The following TRPM8 variants were observed in gnomAD, a reference collection of about 807,000 sequenced individuals.
TRPM8 encodes TRPM8 cationic channel.
Under a neutral mutation model 133.7 loss-of-function variants are expected in TRPM8, and 110 were observed. The ratio of observed to expected loss-of-function variants is 0.82; its 90% CI spans 0.70 to 0.96. TRPM8 has a LOEUF of 0.96. TRPM8 is among the 40% of genes least tolerant of loss of function. The probability of loss-of-function intolerance (pLI) is 0.00; values close to 1 mark genes in which losing one functional copy is unlikely to be tolerated. For synonymous variants in TRPM8, 535 were observed against 532.3 expected (o/e 1.01, Z -0.07); for missense variants, 1,291 against 1,379.5 (o/e 0.94, Z 1.02).
chr2:233,933,972 G>C (rs1295652924), intron 3 of TRPM8: 1 of 167,120 alleles, frequency 6.0e-6, no homozygotes, highest in East Asian at 1.9e-4. Flanking sequence ...TTTGCTGCTG[G>C]AGGGTGATTT....
chr2:234,015,237 T>C (rs4664001), intron 25 of TRPM8, among the ~76,000 whole-genome samples: 112,815 of 152,108 alleles, frequency 0.74, 42,252 homozygotes, highest in African/African-American at 0.83. Context: ...ATGGTCTTAC[T>C]GTTTGCTTTT....
At chr2:233,958,183 T>C (rs1028174648) in intron 11 of TRPM8, among the ~76,000 whole-genome samples, 4 of 152,166 alleles carry the variant, frequency 2.6e-5, no homozygotes, top group Admixed American at 6.5e-5. Flanking sequence ...GAGTTGCTGA[T>C]AGTTTTTTGA....
chr2:234,008,127 ATTTTT>A (rs746717772), intron 24 of TRPM8, 24 bp downstream of exon 24: 3 of 1,427,978 alleles, frequency 2.1e-6, no homozygotes, highest in East Asian at 2.4e-5. Context: ...AATAGTTTGG[ATTTTT>A]TTTTTTTTTT....
chr2:234,014,778 A>G, intron 25 of TRPM8, 124 bp downstream of exon 25: 2 of 363,900 alleles, frequency 5.5e-6, no homozygotes, highest in East Asian at 4.8e-5. Flanking sequence ...AAAATAATGC[A>G]TTGTGCAAAA....
At chr2:233,992,015 C>T (rs993258855) in intron 21 of TRPM8, among the ~76,000 whole-genome samples, 2 of 152,094 alleles carry the variant, frequency 1.3e-5, no homozygotes, top group East Asian at 3.8e-4. Flanking sequence ...TATATAATTT[C>T]CCAGTAAAGT....
chr2:234,003,808 T>A (rs760642407), intron 22 of TRPM8, among the ~76,000 whole-genome samples: 1 of 152,122 alleles, frequency 6.6e-6, no homozygotes, highest in Non-Finnish European at 1.5e-5. Flanking sequence ...CTAGTGGGAT[T>A]CAGGTTGAGG....
rs746617039 is a variant in TRPM8, at chr2:234,006,981, A to G, written c.3230+29A>G. On this transcript the variant is annotated intron_variant, in intron 23 of 25. Transcript: ENST00000324695. ...TGTCAGACATCCCTTTCTGCTTTGC[A>G]AGGCTCCCTCTGTAGACATAAGCCC... The G allele has an allele frequency of 2.6e-6, 4 of 1,557,970 alleles. No individual in the cohort carries two copies. In the South Asian group the frequency reaches 4.5e-5, roughly 17 times the overall value.
chr2:233,930,620 G>C (rs770103780), intron 2 of TRPM8, 48 bp from the exon 3 acceptor site: 2 of 1,293,558 alleles, frequency 1.5e-6, no homozygotes, highest in South Asian at 2.6e-5. Flanking sequence ...TATCAGCAAG[G>C]GGTGAGAATA....
At chr2:233,958,440 G>C (rs748605254) in intron 11 of TRPM8, among the ~76,000 whole-genome samples, 1 of 152,088 alleles carries the variant, frequency 6.6e-6, no homozygotes, top group South Asian at 2.1e-4. Context: ...GAATAACCTT[G>C]GCACTTGTTA....
At position 233,983,208 on chromosome 2, in the gene TRPM8, G is replaced by A. The variant is rs760773626; in HGVS notation, c.2745G>A (p.Val915=). The change falls in exon 20 of 26, where the codon GTG becomes GTA. Residue 915 remains valine, a synonymous_variant. Coordinates refer to ENST00000324695, the MANE Select transcript of TRPM8 (RefSeq NM_024080.5). Reference sequence around the variant, plus strand: ...CCTACCTGGCCATGTTCGGCCAGGTGCCCAGTGACGTGGATGGTAAGCCTG... The same window carrying A: ...CCTACCTGGCCATGTTCGGCCAGGTACCCAGTGACGTGGATGGTAAGCCTG... ...YEPYLAMFGQ[V]PSDVDGTTYD... 1.2e-6 allele frequency: 2 copies of A among 1,614,168 alleles called. No homozygotes were observed. Among genetic ancestry groups the A allele is most frequent in the East Asian group, 2.2e-5 (1 of 44,870 alleles).
intron 18 of TRPM8, 98 bp from the exon 19 acceptor site, chr2:233,981,676 G>A: frequency 7.7e-7 from 1 of 1,302,516 alleles, no homozygotes; most frequent in Non-Finnish European, 1.0e-6. Flanking sequence ...CAACCTTCCA[G>A]CTCTTGCCTG....
At chr2:233,933,947 C>T (rs1215753962) in intron 3 of TRPM8, 3 of 167,084 alleles carry the variant, frequency 1.8e-5, no homozygotes, top group Non-Finnish European at 4.4e-5. Context: ...GGAACTGTTC[C>T]AAAACAGAGG....
At chr2:233,927,000 G>A (rs955531292) in intron 2 of TRPM8, among the ~76,000 whole-genome samples, 1 of 152,126 alleles carries the variant, frequency 6.6e-6, no homozygotes, top group African/African-American at 2.4e-5. Flanking sequence ...GCTGGAGTCG[G>A]GGTTGGGTGC....
intron 22 of TRPM8, among the ~76,000 whole-genome samples, chr2:234,003,444 T>A (rs1033054421): frequency 5.9e-5 from 9 of 152,172 alleles, no homozygotes; most frequent in Non-Finnish European, 1.3e-4. Context: ...GCACAAAAAG[T>A]CTTTATATCA....
At chr2:233,972,388 G>T (rs1226154396) in intron 17 of TRPM8, among the ~76,000 whole-genome samples, 1 of 152,260 alleles carries the variant, frequency 6.6e-6, no homozygotes. Flanking sequence ...ACCAGACTCA[G>T]GAGCCCAGCT....
At chr2:233,927,777 TCTTTCTTTCTTTCTTTTCTTTCCTTC>T (rs1559516127) in intron 2 of TRPM8, among the ~76,000 whole-genome samples, 6 of 59,652 alleles carry the variant, frequency 1.0e-4, no homozygotes, top group East Asian at 1.9e-3. Flanking sequence ...TTTCTTTCTT[TCTTTCTTTCTTTCTTTTCTTTCCTTC>T]CTTCCTTCCT....
intron 11 of TRPM8, among the ~76,000 whole-genome samples, chr2:233,955,906 T>A (rs1326959767): frequency 6.6e-6 from 1 of 152,096 alleles, no homozygotes; most frequent in Non-Finnish European, 1.5e-5. Flanking sequence ...GGTATTCGAT[T>A]CCTATAGGAG....
At chr2:233,952,910 C>T (rs554146231) in intron 9 of TRPM8, among the ~76,000 whole-genome samples, 2 of 152,082 alleles carry the variant, frequency 1.3e-5, no homozygotes, top group African/African-American at 4.8e-5. Flanking sequence ...AATTTTGGGA[C>T]CTTCACCCCT....
intron 8 of TRPM8, chr2:233,947,502 G>C: frequency 7.6e-7 from 1 of 1,316,304 alleles, no homozygotes; most frequent in Non-Finnish European, 1.0e-6. Context: ...GATGAGCTGT[G>C]ATCATACACA....
Sources: allele counts gnomAD v4.1 joint callset (sites outside exome capture counted in the v4.1 genomes callset), GRCh38; gene constraint gnomAD v4.1.1; transcripts MANE v1.5; gene names NCBI Gene and HGNC (gene_info 2026-07-23, HGNC 2026-07-21).